The following OR2L13 variants were observed in gnomAD, a reference collection of about 807,000 sequenced individuals.
The protein encoded by OR2L13 is olfactory receptor family 2 subfamily L member 13.
Under a neutral mutation model 15.3 loss-of-function variants are expected in OR2L13, and 14 were observed. The ratio of observed to expected loss-of-function variants is 0.91; its 90% CI spans 0.60 to 1.43. The LOEUF is 1.43. Among genes scored for constraint, OR2L13 ranks in the 40% most tolerant of loss-of-function variants. The probability of loss-of-function intolerance (pLI) is 0.00; values close to 1 mark genes in which losing one functional copy is unlikely to be tolerated. For missense variants in OR2L13, 367 were observed against 387.9 expected, an observed-to-expected ratio of 0.95 and a Z score of 0.45; for synonymous variants, 152 against 142.9, an observed-to-expected ratio of 1.06 and a Z score of -0.45.
chr1:248,065,566 T>C, the OR2L13 span, among the ~76,000 whole-genome samples: 6 of 149,614 alleles, frequency 4.0e-5, no homozygotes, highest in Admixed American at 6.7e-5. Flanking sequence ...GTATATCTCC[T>C]AATGCTATCC....
chr1:248,078,964 G>A, the OR2L13 span, among the ~76,000 whole-genome samples: 2 of 152,092 alleles, frequency 1.3e-5, no homozygotes, highest in African/African-American at 4.8e-5. Context: ...GTCTCCAGAC[G>A]TTAGGAGGTT....
At chr1:247,964,294 C>G in the OR2L13 span, among the ~76,000 whole-genome samples, 1 of 152,140 alleles carries the variant, frequency 6.6e-6, no homozygotes, top group Admixed American at 6.6e-5. Flanking sequence ...TATTTGGATT[C>G]TATCACATCT....
the OR2L13 span, among the ~76,000 whole-genome samples, chr1:247,953,968 A>G: frequency 6.6e-6 from 1 of 151,618 alleles, no homozygotes; most frequent in South Asian, 2.1e-4. Flanking sequence ...GCAATTTATC[A>G]TTCTGTTTCT....
chr1:248,003,845 A>G, the OR2L13 span: 1 of 1,613,096 alleles, frequency 6.2e-7, no homozygotes, highest in Non-Finnish European at 8.5e-7. Flanking sequence ...GGCCTACCTG[A>G]CCTGCAGCAC....
chr1:248,038,668 G>C, the OR2L13 span: 1 of 1,614,112 alleles, frequency 6.2e-7, no homozygotes, highest in Non-Finnish European at 8.5e-7. Context: ...TATCCCATCC[G>C]TATAAGCAAA....
the OR2L13 span, among the ~76,000 whole-genome samples, chr1:248,027,156 G>T: frequency 6.6e-6 from 1 of 152,152 alleles, no homozygotes; most frequent in South Asian, 2.1e-4. Flanking sequence ...CCACTTTGGG[G>T]ATGGCTGTCT....
At chr1:248,022,676 C>T in the OR2L13 span, 2 of 1,614,000 alleles carry the variant, frequency 1.2e-6, no homozygotes, top group African/African-American at 1.3e-5. Context: ...GCAGCACCCA[C>T]CTCACTGTAG....
At chr1:248,083,775 G>C in the OR2L13 span, 466 of 1,613,934 alleles carry the variant, frequency 2.9e-4, no homozygotes, top group South Asian at 4.5e-4. Context: ...ACTATAGAAG[G>C]CTGACACAAC....
chr1:247,976,419 G>A, the OR2L13 span, among the ~76,000 whole-genome samples: 125 of 152,314 alleles, frequency 8.2e-4, no homozygotes, highest in Non-Finnish European at 1.5e-3. Flanking sequence ...GCTTAGGCAT[G>A]TGCCTAAAAG....
At chr1:247,990,244 A>G in the OR2L13 span, 1 of 789,026 alleles carries the variant, frequency 1.3e-6, no homozygotes, top group Non-Finnish European at 2.2e-6. Context: ...GTCTCCCTTC[A>G]GGAAGGATCA....
At chr1:248,033,386 G>A in the OR2L13 span, among the ~76,000 whole-genome samples, 1 of 152,006 alleles carries the variant, frequency 6.6e-6, no homozygotes, top group Non-Finnish European at 1.5e-5. Flanking sequence ...AAATATTGCT[G>A]TGTATATGAC....
chr1:247,979,671 C>T, the OR2L13 span, among the ~76,000 whole-genome samples: 1 of 151,972 alleles, frequency 6.6e-6, no homozygotes, highest in African/African-American at 2.4e-5. Context: ...ACCCACTGTC[C>T]AGCCTGTCCC....
the OR2L13 span, among the ~76,000 whole-genome samples, chr1:248,075,573 T>C: frequency 1.3e-5 from 2 of 152,224 alleles, no homozygotes; most frequent in African/African-American, 4.8e-5. Context: ...TATCTCATTG[T>C]GGTTTTGATT....
chr1:247,960,034 A>T, the OR2L13 span, among the ~76,000 whole-genome samples: 7 of 151,934 alleles, frequency 4.6e-5, no homozygotes, highest in Admixed American at 6.6e-5. Flanking sequence ...TAGAGTTTCC[A>T]GTTTTTCTGC....
At chr1:247,967,045 C>CCACACACACACACACACACACACA in the OR2L13 span, among the ~76,000 whole-genome samples, 1,391 of 147,476 alleles carry the variant, frequency 9.4e-3, 13 homozygotes, top group African/African-American at 0.017. Context: ...ACACCACACA[C>CCACACACACACACACACACACACA]CACACACACA....
chr1:248,083,751 A>G, the OR2L13 span: 1 of 1,613,980 alleles, frequency 6.2e-7, no homozygotes, highest in Non-Finnish European at 8.5e-7. Context: ...GGGGTTTAGT[A>G]AAGGGGTGAA....
At chr1:248,021,622 G>A in the OR2L13 span, among the ~76,000 whole-genome samples, 3 of 151,992 alleles carry the variant, frequency 2.0e-5, no homozygotes, top group Admixed American at 6.6e-5. Flanking sequence ...GTCATCACAA[G>A]AAAAATGAGT....
At chr1:247,994,266 G>T in the OR2L13 span, among the ~76,000 whole-genome samples, 2 of 152,080 alleles carry the variant, frequency 1.3e-5, no homozygotes, top group Admixed American at 1.3e-4. Flanking sequence ...GCGTGGTGGC[G>T]GGCGCCTGTA....
chr1:248,075,764 G>T, the OR2L13 span, among the ~76,000 whole-genome samples: 1 of 152,328 alleles, frequency 6.6e-6, no homozygotes. Context: ...CCCTTTGTCA[G>T]ATGGGTAGAT....
Sources: gnomAD v4.1 joint callset for allele counts (sites outside exome capture counted in the v4.1 genomes callset) on GRCh38, gnomAD v4.1.1 for gene constraint, MANE v1.5 for transcripts, NCBI Gene and HGNC (gene_info 2026-07-23, HGNC 2026-07-21) for gene names.